The following KIF13B variants were observed in gnomAD, a reference collection of about 807,000 sequenced individuals.
The protein encoded by KIF13B is kinesin-like protein KIF13B.
A neutral mutation model predicts 222.0 loss-of-function variants in KIF13B; 127 were observed. The ratio of observed to expected loss-of-function variants is 0.57; its 90% confidence interval spans 0.50 to 0.66. KIF13B has a LOEUF of 0.66. KIF13B is among the 30% of genes least tolerant of loss of function. The pLI, the probability that KIF13B is intolerant of heterozygous loss-of-function variation, is 0.00. For synonymous variants in KIF13B, 976 were observed against 919.0 expected, an observed-to-expected ratio of 1.06 and a Z score of -1.12; for missense variants, 2,173 against 2,379.0, an observed-to-expected ratio of 0.91 and a Z score of 1.80.
At chr8:29,224,923 G>A (rs1392812641) in intron 2 of KIF13B, among the ~76,000 whole-genome samples, 1 of 152,150 alleles carries the variant, frequency 6.6e-6, no homozygotes, top group Non-Finnish European at 1.5e-5. Context: ...AGTTCCAAAG[G>A]GGTAAGCCAT....
rs1563740645 is a variant in KIF13B, at chr8:29,147,662, G to A, written c.1814-60C>T. On this transcript the variant is annotated intron_variant, in intron 16 of 39. Coordinates refer to ENST00000524189, the MANE Select transcript of KIF13B (RefSeq NM_015254.4). Reference sequence around the variant, plus strand: ...AGTTACAACATAATAAACTTCAAATGTTGTTCTATATGGTAATGTTGTCTG... The same window carrying A: ...AGTTACAACATAATAAACTTCAAATATTGTTCTATATGGTAATGTTGTCTG... 1.0e-5 allele frequency: 13 copies of A among 1,255,104 alleles called. No individual in the cohort carries two copies. The Admixed American group carries it at 2.4e-4, about 23-fold the overall frequency. The allele number at this position is 1,255,104 out of a possible 1,614,324, so 77.7% of individuals were successfully genotyped here.
At chr8:29,182,707 A>T (rs1288539203) in intron 6 of KIF13B, among the ~76,000 whole-genome samples, 1 of 152,040 alleles carries the variant, frequency 6.6e-6, no homozygotes, top group African/African-American at 2.4e-5. Flanking sequence ...TAAACCAAAA[A>T]TATTAAGAAT....
At chr8:29,180,408 C>T (rs953702112) in intron 7 of KIF13B, among the ~76,000 whole-genome samples, 170 bp from the exon 8 acceptor site, 1 of 152,208 alleles carries the variant, frequency 6.6e-6, no homozygotes, top group African/African-American at 2.4e-5. Context: ...ATAGCCAATA[C>T]TGTCTCTGAA....
intron 1 of KIF13B, 34 bp downstream of exon 1, chr8:29,262,946 C>A (rs535548853): frequency 6.5e-7 from 1 of 1,533,324 alleles, no homozygotes; most frequent in South Asian, 1.2e-5. Flanking sequence ...CCTGCCGCCT[C>A]CGCCCCGGCG....
chr8:29,125,042 T>A (rs1231110203), intron 26 of KIF13B, among the ~76,000 whole-genome samples: 1 of 152,188 alleles, frequency 6.6e-6, no homozygotes, highest in Non-Finnish European at 1.5e-5. Context: ...AGAGCAAGAC[T>A]CTGTCTCCAA....
intron 35 of KIF13B, among the ~76,000 whole-genome samples, chr8:29,100,120 A>T (rs1486081677): frequency 6.6e-6 from 1 of 152,246 alleles, no homozygotes; most frequent in Non-Finnish European, 1.5e-5. Context: ...TCAATGATGG[A>T]AGTCTCTGAA....
chr8:29,171,160 C>T (rs544112698), intron 10 of KIF13B, among the ~76,000 whole-genome samples: 4 of 152,290 alleles, frequency 2.6e-5, no homozygotes, highest in African/African-American at 9.6e-5. Flanking sequence ...ATTATCTGAG[C>T]ACTCACTACC....
Position 29,099,533 on chromosome 8 carries a change from T to A in KIF13B, c.4216-292A>T, listed in dbSNP as rs778853917. On this transcript the variant is annotated intron_variant, in intron 35 of 39. Transcript: ENST00000524189. ...GGGACTGCAGCTACATGCCACCACA[T>A]GAGGCTAATCTTTTTACTACTTTTG... 1.2e-4 allele frequency among the ~76,000 whole-genome samples: 18 copies of A among 152,112 alleles called. 1 individual carries two copies. Among genetic ancestry groups the A allele is most frequent in the Admixed American group, 1.2e-3 (18 of 15,278 alleles).
At chr8:29,095,654 C>A (rs911969754) in intron 36 of KIF13B, among the ~76,000 whole-genome samples, 1 of 152,142 alleles carries the variant, frequency 6.6e-6, no homozygotes, top group Non-Finnish European at 1.5e-5. Context: ...GTAATCCCAG[C>A]TACTTGGGAG....
chr8:29,208,946 C>T (rs1814082511), intron 2 of KIF13B, among the ~76,000 whole-genome samples: 1 of 152,160 alleles, frequency 6.6e-6, no homozygotes, highest in Non-Finnish European at 1.5e-5. Flanking sequence ...TCTGCCAAAC[C>T]CAAGTGATGG....
chr8:29,186,199 C>G, intron 6 of KIF13B, 93 bp downstream of exon 6: 1 of 966,224 alleles, frequency 1.0e-6, no homozygotes, highest in Non-Finnish European at 1.6e-6. Flanking sequence ...CAGAGCGAGA[C>G]CCTCTGAAAA....
At chr8:29,222,671 T>C (rs556503681) in intron 2 of KIF13B, among the ~76,000 whole-genome samples, 2 of 152,084 alleles carry the variant, frequency 1.3e-5, no homozygotes, top group East Asian at 3.9e-4. Flanking sequence ...CTATATGGCT[T>C]ACAAAAAGAG....
intron 3 of KIF13B, among the ~76,000 whole-genome samples, chr8:29,194,168 A>G (rs1047330171): frequency 6.6e-6 from 1 of 151,890 alleles, no homozygotes; most frequent in African/African-American, 2.4e-5. Flanking sequence ...ATAGTTTTTT[A>G]AAAACTATTT....
chr8:29,072,974 G>T (rs1442258587), intron 38 of KIF13B, among the ~76,000 whole-genome samples: 3 of 151,718 alleles, frequency 2.0e-5, no homozygotes, highest in Non-Finnish European at 2.9e-5. Flanking sequence ...CGGAGGACCG[G>T]AACACACTCA....
intron 37 of KIF13B, among the ~76,000 whole-genome samples, chr8:29,089,932 G>A (rs936185274): frequency 1.3e-5 from 2 of 151,246 alleles, no homozygotes; most frequent in African/African-American, 2.4e-5. Context: ...GTGCCTGCAT[G>A]TATGGTGGAA....
chr8:29,070,348 G>A lies in KIF13B; in HGVS notation c.*156C>T. 4.0e-6 allele frequency: 3 copies of A among 745,502 alleles called. No individual in the cohort carries two copies. The highest frequency in any genetic ancestry group is 5.5e-5 in the East Asian group (2 of 36,442). The allele number at this position is 745,502 out of a possible 1,614,324, so 46.2% of individuals were successfully genotyped here. A position where few individuals can be genotyped will look rare whatever the true frequency, so the allele number is the denominator to read the frequency against. The stretch of plus-strand genomic sequence containing the variant: ...GTACAGAAGAAACAAAGCTTCCAGA[G>A]GCCCAGGGAGGTCACCAGCCCTGTG... On this transcript the variant is annotated 3_prime_UTR_variant, in exon 40 of 40. Coordinates refer to ENST00000524189, the MANE Select transcript of KIF13B (RefSeq NM_015254.4). This position sits in a 1 kb window ranked among gnomAD's most constrained non-coding sequence, Gnocchi z 4.1.
intron 1 of KIF13B, among the ~76,000 whole-genome samples, chr8:29,253,840 A>C (rs1816371983): frequency 6.6e-6 from 1 of 150,424 alleles, no homozygotes; most frequent in Non-Finnish European, 1.5e-5. Context: ...AAAAAAAAAA[A>C]AAAAAAAAAA....
chr8:29,178,666 A>AG (rs1417357824), intron 8 of KIF13B, among the ~76,000 whole-genome samples: 2 of 151,866 alleles, frequency 1.3e-5, no homozygotes, highest in Non-Finnish European at 2.9e-5. Flanking sequence ...AAAAAAAAAA[A>AG]AAAGTCTTCA....
chr8:29,179,042 T>C (rs556518673), intron 8 of KIF13B, among the ~76,000 whole-genome samples: 15 of 152,288 alleles, frequency 9.8e-5, no homozygotes, highest in Non-Finnish European at 1.5e-4. Flanking sequence ...GATTTTATAG[T>C]ACAATTGCCC....
Sources: allele counts gnomAD v4.1 joint callset (sites outside exome capture counted in the v4.1 genomes callset), GRCh38; gene constraint gnomAD v4.1.1; non-coding constraint Gnocchi (gnomAD v3.1); transcripts MANE v1.5; gene names NCBI Gene and HGNC (gene_info 2026-07-23, HGNC 2026-07-21).